The following COL28A1 variants were observed in gnomAD, a reference collection of about 807,000 sequenced individuals.
COL28A1 encodes collagen type XXVIII alpha 1 chain.
Under a neutral mutation model 150.2 loss-of-function variants are expected in COL28A1, and 161 were observed. That is an observed-to-expected ratio of 1.07 (90% CI 0.94 to 1.22). COL28A1 has a LOEUF of 1.22. Ranked by LOEUF, COL28A1 falls within the 50% of genes most tolerant of loss-of-function variation. COL28A1 has a pLI of 0.00. For synonymous variants in COL28A1, 552 were observed against 469.7 expected (o/e 1.18, Z -2.26); for missense variants, 1,617 against 1,388.3 (o/e 1.16, Z -2.62).
chr7:7,491,175 C>A (rs1779894184), intron 11 of COL28A1, among the ~76,000 whole-genome samples: 1 of 152,152 alleles, frequency 6.6e-6, no homozygotes, highest in Non-Finnish European at 1.5e-5. Context: ...AGTCAGTGGG[C>A]AGCTGTTCTT....
chr7:7,531,457 G>C lies in COL28A1; in HGVS notation c.572C>G (p.Ser191Cys). ...AAGTTTGGCTTCATTGACTACCGTA[G>C]AAAGTGCAATGGTGATAAATGATAT... is the stretch of plus-strand genomic sequence containing the variant. Reference protein sequence around the residue: ...SGISFITIALSTVVNEAKLRL... With the variant: ...SGISFITIALCTVVNEAKLRL... The change falls in exon 3 of 35, where the codon TCT becomes TGT. Residue 191 changes from serine to cysteine, a missense_variant. Ser to Cys is a moderately radical substitution (Grantham distance 112, BLOSUM62 -1). Coordinates refer to ENST00000399429, the MANE Select transcript of COL28A1 (RefSeq NM_001037763.3). The C allele has an allele frequency of 6.3e-7, 1 of 1,596,864 alleles. No individual in the cohort carries two copies. Among genetic ancestry groups the C allele is most frequent in the Non-Finnish European group, 8.6e-7 (1 of 1,164,456 alleles).
At chr7:7,364,945 A>G (rs1207601040) in intron 33 of COL28A1, among the ~76,000 whole-genome samples, 1 of 152,202 alleles carries the variant, frequency 6.6e-6, no homozygotes, top group African/African-American at 2.4e-5. Context: ...AGGATATGCA[A>G]AGAGCGAAAG....
chr7:7,392,028 T>A (rs1482768915), intron 27 of COL28A1, among the ~76,000 whole-genome samples: 1 of 152,178 alleles, frequency 6.6e-6, no homozygotes, highest in African/African-American at 2.4e-5. Flanking sequence ...ATTATGATGT[T>A]AGCTGGTTAT....
At chr7:7,532,716 G>C (rs763787498) in intron 2 of COL28A1, 36 bp downstream of exon 2, 1 of 1,584,268 alleles carries the variant, frequency 6.3e-7, no homozygotes, top group Non-Finnish European at 8.5e-7. Flanking sequence ...TTTTTAACAG[G>C]CTAAACTTAA....
In COL28A1 at chr7:7,373,455, A is replaced by T. The variant is rs1562487868; in HGVS notation, c.2451T>A (p.Ile817=). 6.2e-7 allele frequency: 1 copy of T among 1,613,984 alleles called. No homozygotes were observed. The highest frequency in any genetic ancestry group is 8.5e-7 in the Non-Finnish European group (1 of 1,180,024). ...ESVGPENFQI[I]KNFVKTMADR... is the part of the protein sequence containing the mutation. ...CAGCCATAGTCTTCACAAAATTTTT[A>T]ATGATCTGAAAGTTCTCTGGCCCCA... is the stretch of plus-strand genomic sequence containing the variant. Residue 817 remains isoleucine (I), a synonymous_variant, in exon 32 of 35, where the codon ATT becomes ATA. Coordinates refer to ENST00000399429, the MANE Select transcript of COL28A1 (RefSeq NM_001037763.3). The surrounding 1 kb of genome is among the most constrained non-coding windows in gnomAD (Gnocchi z 4.1).
chr7:7,405,007 C>T (rs2128301052), intron 27 of COL28A1, among the ~76,000 whole-genome samples: 1 of 152,288 alleles, frequency 6.6e-6, no homozygotes, highest in Non-Finnish European at 1.5e-5. Context: ...CCTCAGCCTC[C>T]TGAGTAGCTG....
Position 7,418,485 on chromosome 7 carries a change from T to C in COL28A1, c.2068-558A>G, listed in dbSNP as rs187300808. ...TCTTTGGAAACACTTCGTGGTGGAA[T>C]AAGATTGGAAAATAGCATGCGCTTT... is the stretch of plus-strand genomic sequence containing the variant. On this transcript the variant is annotated intron_variant, in intron 26 of 34. Coordinates refer to ENST00000399429, the MANE Select transcript of COL28A1 (RefSeq NM_001037763.3). 2.3e-3 allele frequency among the ~76,000 whole-genome samples: 357 copies of C among 152,338 alleles called. 1 individual carries two copies. The highest frequency in any genetic ancestry group is 8.2e-3 in the African/African-American group (339 of 41,580).
At position 7,457,840 on chromosome 7, in the gene COL28A1, T is replaced by A. The variant is rs151299553; in HGVS notation, c.1303-1728A>T. ...TGATGACAGAGAATTGACCGCTGGA[T>A]TGAGTAACATGGTTAACATGCTCAT... On this transcript the variant is annotated intron_variant, in intron 15 of 34. Coordinates refer to ENST00000399429, the MANE Select transcript of COL28A1 (RefSeq NM_001037763.3). 3.4e-3 allele frequency among the ~76,000 whole-genome samples: 512 copies of A among 152,304 alleles called. 2 individuals are homozygous for A. Among genetic ancestry groups the A allele is most frequent in the Middle Eastern group, 6.8e-3 (2 of 294 alleles).
chr7:7,379,471 G>C (rs1781744267), intron 30 of COL28A1, among the ~76,000 whole-genome samples: 1 of 151,938 alleles, frequency 6.6e-6, no homozygotes, highest in Non-Finnish European at 1.5e-5. Context: ...TGGACCCCGA[G>C]ACCACATCTT....
At chr7:7,478,901 C>G (rs984406903) in intron 13 of COL28A1, among the ~76,000 whole-genome samples, 3 of 152,260 alleles carry the variant, frequency 2.0e-5, no homozygotes, top group Non-Finnish European at 4.4e-5. Context: ...CCAGGCAGCC[C>G]TGGTTCCACC....
chr7:7,429,874 G>A (rs539756802), intron 25 of COL28A1, among the ~76,000 whole-genome samples: 154 of 152,228 alleles, frequency 1.0e-3, no homozygotes, highest in African/African-American at 1.9e-3. Context: ...TCAGCCTTCC[G>A]CGTGGGCTCA....
chr7:7,506,310 A>C (rs772628038), intron 10 of COL28A1, among the ~76,000 whole-genome samples: 1 of 152,188 alleles, frequency 6.6e-6, no homozygotes, highest in Non-Finnish European at 1.5e-5. Context: ...TGTTTACTAA[A>C]CCTGTGTTTC....
intron 33 of COL28A1, among the ~76,000 whole-genome samples, chr7:7,361,294 T>C (rs1247865579): frequency 1.7e-5 from 1 of 58,034 alleles, no homozygotes; most frequent in Non-Finnish European, 3.8e-5. Context: ...AAAGGCATTT[T>C]ACTTTTTTTT....
In COL28A1 at chr7:7,358,617, A is replaced by G. The variant is rs777595000; in HGVS notation, c.*16T>C. The G allele has an allele frequency of 1.2e-6, 2 of 1,612,280 alleles. No homozygotes were observed. Among genetic ancestry groups the G allele is most frequent in the Non-Finnish European group, 1.7e-6 (2 of 1,178,580 alleles). Reference sequence around the variant, plus strand: ...GGAGTTCTATGCTTTTGATAGAGACAGGCCAATTTACTTGCTCATCCTTGA... The same window carrying G: ...GGAGTTCTATGCTTTTGATAGAGACGGGCCAATTTACTTGCTCATCCTTGA... On this transcript the variant is annotated 3_prime_UTR_variant, in exon 35 of 35. Coordinates refer to ENST00000399429, the MANE Select transcript of COL28A1 (RefSeq NM_001037763.3).
intron 6 of COL28A1, 112 bp downstream of exon 6, chr7:7,519,950 T>C (rs1781622752): frequency 1.7e-6 from 1 of 597,582 alleles, no homozygotes; most frequent in Admixed American, 3.2e-5. Context: ...TCACAAAAGT[T>C]GTCACATTTT....
intron 13 of COL28A1, among the ~76,000 whole-genome samples, chr7:7,486,521 T>C (rs1779633542): frequency 6.6e-6 from 1 of 152,220 alleles, no homozygotes; most frequent in Admixed American, 6.5e-5. Context: ...TTCCTGATCT[T>C]AGAGGGATGC....
intron 19 of COL28A1, among the ~76,000 whole-genome samples, chr7:7,444,075 G>T (rs1287301565): frequency 1.4e-5 from 2 of 146,556 alleles, no homozygotes; most frequent in South Asian, 4.4e-4. Flanking sequence ...CTTTACAAAG[G>T]CCTTATTTCC....
chr7:7,398,065 C>T (rs1213770804), intron 27 of COL28A1, among the ~76,000 whole-genome samples: 1 of 152,080 alleles, frequency 6.6e-6, no homozygotes, highest in Non-Finnish European at 1.5e-5. Context: ...AATAGCTGAA[C>T]ACAGGGTAGA....
At chr7:7,514,746 C>T (rs769389139) in intron 8 of COL28A1, among the ~76,000 whole-genome samples, 1 of 152,162 alleles carries the variant, frequency 6.6e-6, no homozygotes, top group Non-Finnish European at 1.5e-5. Context: ...TGCAGCCTGG[C>T]CCCAACTTCC....
Sources: allele counts gnomAD v4.1 joint callset (sites outside exome capture counted in the v4.1 genomes callset), GRCh38; gene constraint gnomAD v4.1.1; non-coding constraint Gnocchi (gnomAD v3.1); transcripts MANE v1.5; gene names NCBI Gene and HGNC (gene_info 2026-07-23, HGNC 2026-07-21).